The following WDR33 variants were observed in gnomAD, a reference collection of about 807,000 sequenced individuals.
WDR33 encodes pre-mRNA 3' end processing protein WDR33.
WDR33 carries 47 observed loss-of-function variants against 164.9 expected under a neutral mutation model. The ratio of observed to expected loss-of-function variants is 0.29; its 90% confidence interval spans 0.23 to 0.36. The LOEUF is 0.36. Ranked by LOEUF, WDR33 falls within the 10% of genes least tolerant of loss-of-function variation. The pLI is 1.00. For synonymous variants in WDR33, 505 were observed against 589.0 expected, an observed-to-expected ratio of 0.86 and a Z score of 2.06; for missense variants, 1,137 against 1,754.1, an observed-to-expected ratio of 0.65 and a Z score of 6.28.
In WDR33 at chr2:127,703,679, T is replaced by TTTAA. The variant is rs1361568011; in HGVS notation, c.*2640_*2643dup. 6.0e-6 allele frequency: 1 copy of TTTAA among 167,120 alleles called. No homozygotes were observed. The allele number at this position is 167,120 out of a possible 1,614,324, so 10.4% of individuals were successfully genotyped here. On this transcript the variant is annotated 3_prime_UTR_variant, in exon 22 of 22. Coordinates refer to ENST00000322313, the MANE Select transcript of WDR33 (RefSeq NM_018383.5). ...CAGTATCTTCAGAATGATTTATTTT[T>TTTAA]TTAATTAATTGTAAAGACTTGTGCC...
At chr2:127,747,222 T>C (rs946714158) in intron 7 of WDR33, among the ~76,000 whole-genome samples, 3 of 152,320 alleles carry the variant, frequency 2.0e-5, no homozygotes, top group Non-Finnish European at 4.4e-5. Flanking sequence ...CTGAAATCTG[T>C]GGTAACTCTG....
chr2:127,725,988 GA>G (rs954650027), intron 8 of WDR33, among the ~76,000 whole-genome samples: 6 of 152,090 alleles, frequency 3.9e-5, no homozygotes, highest in Admixed American at 3.9e-4. Flanking sequence ...CTGCACAATG[GA>G]TATCTCCAAG....
At chr2:127,795,136 T>C (rs907426820) in intron 1 of WDR33, among the ~76,000 whole-genome samples, 1 of 144,004 alleles carries the variant, frequency 6.9e-6, no homozygotes, top group Non-Finnish European at 1.5e-5. Flanking sequence ...AGTCTCACTC[T>C]GTTGCCCAGG....
At position 127,763,345 on chromosome 2, in the gene WDR33, A is replaced by G; in HGVS notation, c.627-186T>C. On this transcript the variant is annotated intron_variant, in intron 6 of 21. Coordinates refer to ENST00000322313, the MANE Select transcript of WDR33 (RefSeq NM_018383.5). The surrounding 1 kb of genome is among the most constrained non-coding windows in gnomAD (Gnocchi z 4.5). ...GGCATCTCATCAAAAGAAGACTTCA[A>G]CAGAGCAGTTGTTTGAGTTTTCAAT... The G allele has an allele frequency of 7.1e-7, 1 of 1,416,328 alleles. No individual in the cohort carries two copies. The allele number at this position is 1,416,328 out of a possible 1,614,324, so 87.7% of individuals were successfully genotyped here.
At position 127,709,989 on chromosome 2, in the gene WDR33, T is replaced by C. The variant is rs1686119157; in HGVS notation, c.3309-133A>G. ...GGGAGGAAAACAAAATAAAACTATA[T>C]ATTTTTGAAAGGATACATTATATAA... is the stretch of plus-strand genomic sequence containing the variant. On this transcript the variant is annotated intron_variant, in intron 18 of 21. Transcript: ENST00000322313. The surrounding 1 kb of genome is among the most constrained non-coding windows in gnomAD (Gnocchi z 5.0). The C allele has an allele frequency of 8.3e-7, 1 of 1,211,880 alleles. No homozygotes were observed. Among genetic ancestry groups the C allele is most frequent in the Admixed American group, 2.5e-5 (1 of 39,530 alleles). The allele number at this position is 1,211,880 out of a possible 1,614,324, so 75.1% of individuals were successfully genotyped here.
At chr2:127,745,649 T>C (rs1687144803) in intron 7 of WDR33, among the ~76,000 whole-genome samples, 1 of 152,122 alleles carries the variant, frequency 6.6e-6, no homozygotes, top group Non-Finnish European at 1.5e-5. Flanking sequence ...ATTAAAAATG[T>C]CCAAATAAAC....
At chr2:127,778,439 GAAAAAAA>G (rs5834186) in intron 1 of WDR33, among the ~76,000 whole-genome samples, 67 of 123,802 alleles carry the variant, frequency 5.4e-4, no homozygotes, top group African/African-American at 1.5e-3. Context: ...TCCATCTCAA[GAAAAAAA>G]AAAAAAAGAA....
Position 127,719,558 on chromosome 2 carries a change from C to A in WDR33, c.2467G>T (p.Gly823Cys). The stretch of plus-strand genomic sequence containing the variant: ...TGAGGACCTCTCATTTCCTGAGGGC[C>A]GTGTCCCAGTAGTCCACCTGGAGGG... ...PHPPGGLLGH[G>C]PQEMRGPQEI... The change falls in exon 16 of 22, where the codon GGC (glycine) becomes TGC (cysteine). Residue 823 changes from glycine to cysteine, a missense_variant. Physicochemically the swap from Gly to Cys is radical, Grantham distance 159 (BLOSUM62 -3). Coordinates refer to ENST00000322313, the MANE Select transcript of WDR33 (RefSeq NM_018383.5). The surrounding 1 kb of genome is among the most constrained non-coding windows in gnomAD (Gnocchi z 6.5). The A allele has an allele frequency of 6.2e-7, 1 of 1,614,018 alleles. No homozygotes were observed. The highest frequency in any genetic ancestry group is 8.5e-7 in the Non-Finnish European group (1 of 1,179,998).
intron 1 of WDR33, among the ~76,000 whole-genome samples, chr2:127,776,362 T>C (rs919221903): frequency 1.3e-5 from 2 of 152,210 alleles, no homozygotes; most frequent in African/African-American, 4.8e-5. Flanking sequence ...CTATGGTATT[T>C]TGTTATGGCA....
At chr2:127,792,490 G>A (rs985421550) in intron 1 of WDR33, among the ~76,000 whole-genome samples, 2 of 151,250 alleles carry the variant, frequency 1.3e-5, no homozygotes, top group African/African-American at 2.4e-5. Flanking sequence ...GTGAAACCCC[G>A]TCTCTACTAA....
Position 127,709,379 on chromosome 2 carries a change from C to CG in WDR33, c.3565+110dup. ...CAGGACAGGAGACAGCCCAGCCCCC[C>CG]GGGAGACATGAGCTGGAAAGAGGAG... On this transcript the variant is annotated intron_variant, in intron 20 of 21. Transcript: ENST00000322313. The surrounding 1 kb of genome is among the most constrained non-coding windows in gnomAD (Gnocchi z 5.0). 1.9e-6 allele frequency: 2 copies of CG among 1,041,034 alleles called. No homozygotes were observed. Among genetic ancestry groups the CG allele is most frequent in the South Asian group, 1.4e-5 (1 of 72,194 alleles). The allele number at this position is 1,041,034 out of a possible 1,614,324, so 64.5% of individuals were successfully genotyped here. A position where few individuals can be genotyped will look rare whatever the true frequency, so the allele number is the denominator to read the frequency against.
Position 127,793,470 on chromosome 2 carries a change from G to A in WDR33, c.-24+17542C>T, listed in dbSNP as rs761819289. On this transcript the variant is annotated intron_variant, in intron 1 of 21. Transcript: ENST00000322313. ...AAAAGCTCAATTTAGTCCAGGCAAG[G>A]TGGGTCAAGCCTGTAATCCCAGCAC... 3.3e-4 allele frequency among the ~76,000 whole-genome samples: 50 copies of A among 152,004 alleles called. 1 individual carries two copies. Among genetic ancestry groups the A allele is most frequent in the Non-Finnish European group, 2.6e-4 (18 of 68,004 alleles).
intron 1 of WDR33, among the ~76,000 whole-genome samples, chr2:127,792,719 A>G (rs963388521): frequency 6.6e-6 from 1 of 152,154 alleles, no homozygotes; most frequent in Non-Finnish European, 1.5e-5. Flanking sequence ...ATCATGAGAG[A>G]TAGTAAAACT....
At chr2:127,785,145 A>AT (rs908278711) in intron 1 of WDR33, among the ~76,000 whole-genome samples, 2 of 152,006 alleles carry the variant, frequency 1.3e-5, no homozygotes, top group Non-Finnish European at 2.9e-5. Flanking sequence ...CATTCTTTTA[A>AT]TTTTTTTTCT....
intron 1 of WDR33, among the ~76,000 whole-genome samples, chr2:127,795,645 ACCT>A (rs1294739049): frequency 2.7e-5 from 4 of 147,900 alleles, no homozygotes; most frequent in African/African-American, 5.1e-5. Context: ...ACATGGCAAA[ACCT>A]CCTTTCTATA....
At chr2:127,769,130 AT>A (rs1573934443) in intron 2 of WDR33, 129 bp from the exon 3 acceptor site, 1 of 484,062 alleles carries the variant, frequency 2.1e-6, no homozygotes, top group East Asian at 6.0e-5. Flanking sequence ...GAATTAAAAA[AT>A]ATTATTTTCT....
rs778736858 is a variant in WDR33 at position 127,719,860 on chromosome 2, G to A, written c.2165C>T (p.Pro722Leu). 16 of 1,613,336 alleles carry A rather than the reference G, an allele frequency of 9.9e-6. No homozygotes were observed. Among genetic ancestry groups the A allele is most frequent in the South Asian group, 4.4e-5 (4 of 91,080 alleles). Residue 722 changes from proline to leucine, a missense_variant, in exon 16 of 22, where the codon CCG becomes CTG. By Grantham distance (98) the Pro-to-Leu change is moderately conservative. Around this residue, in one of 9 missense-constraint regions of WDR33, gnomAD observed 867 missense variants for 1,073.0 expected, o/e 0.81. Transcript: ENST00000322313. This position sits in a 1 kb window ranked among gnomAD's most constrained non-coding sequence, Gnocchi z 6.5. ...GCCCAAGTGACCCTGAGGGCCAGGC[G>A]GGCCTTGGGGGCCTATGTGACCCTG... ...GPQGHIGPQGPPGPQGHLGPQ... is the reference protein window; with the variant it reads ...GPQGHIGPQGLPGPQGHLGPQ...
At position 127,725,214 on chromosome 2, in the gene WDR33, G is replaced by C; in HGVS notation, c.853C>G (p.His285Asp). Residue 285 changes from histidine to aspartate, a missense_variant and splice_region_variant, in exon 9 of 22, where the codon CAT (histidine) becomes GAT (aspartate). Around this residue, in one of 9 missense-constraint regions of WDR33, gnomAD observed 83 missense variants for 189.2 expected, o/e 0.44. Coordinates refer to ENST00000322313, the MANE Select transcript of WDR33 (RefSeq NM_018383.5). ...PKTGQSLATL[H>D]AHKNTVMEVK... ...TCCATTACTGTGTTTTTATGGGCAT[G>C]ACTAGAAACAAAGTATCAAAAAAAA... 1 of 1,586,814 alleles carries C rather than the reference G, an allele frequency of 6.3e-7. No individual in the cohort carries two copies. The highest frequency in any genetic ancestry group is 8.5e-7 in the Non-Finnish European group (1 of 1,172,878).
At chr2:127,779,169 T>TA (rs70985476) in intron 1 of WDR33, among the ~76,000 whole-genome samples, 30,337 of 146,216 alleles carry the variant, frequency 0.21, 3,358 homozygotes, top group African/African-American at 0.29. Flanking sequence ...TTTTAATAAT[T>TA]AAAAAAAAAA....
Sources: gnomAD v4.1 joint callset for allele counts (sites outside exome capture counted in the v4.1 genomes callset) on GRCh38, gnomAD v4.1.1 for gene constraint, gnomAD v4.1.1 regional missense constraint, Gnocchi (gnomAD v3.1) non-coding constraint, MANE v1.5 for transcripts, NCBI Gene and HGNC (gene_info 2026-07-23, HGNC 2026-07-21) for gene names.